The following CA10 variants were observed in gnomAD, a reference collection of about 807,000 sequenced individuals.
CA10 encodes carbonic anhydrase 10 (inactive).
Under a neutral mutation model 44.2 loss-of-function variants are expected in CA10, and 14 were observed. The ratio of observed to expected loss-of-function variants is 0.32; its 90% CI spans 0.21 to 0.50. The LOEUF is 0.50. CA10 is among the 20% of genes least tolerant of loss of function. The pLI is 0.99. For synonymous variants in CA10, 159 were observed against 141.6 expected, an observed-to-expected ratio of 1.12 and a Z score of -0.87; for missense variants, 350 against 409.7, an observed-to-expected ratio of 0.85 and a Z score of 1.26.
At chr17:51,716,470 G>GGA (rs1555589372) in intron 4 of CA10, among the ~76,000 whole-genome samples, 1 of 151,744 alleles carries the variant, frequency 6.6e-6, no homozygotes, top group East Asian at 1.9e-4. Flanking sequence ...TTTATTCAGA[G>GGA]AAAAAAAGAA....
chr17:52,111,390 C>T (rs1988786316), intron 1 of CA10, among the ~76,000 whole-genome samples: 1 of 152,174 alleles, frequency 6.6e-6, no homozygotes, highest in South Asian at 2.1e-4. Context: ...TGACATGTTT[C>T]CAAGCATGTA....
intron 3 of CA10, among the ~76,000 whole-genome samples, chr17:51,916,422 C>T (rs567628168): frequency 6.6e-6 from 1 of 152,162 alleles, no homozygotes; most frequent in Non-Finnish European, 1.5e-5. Context: ...CCACAATTCC[C>T]ATGTGTCATG....
intron 3 of CA10, among the ~76,000 whole-genome samples, chr17:51,774,642 C>A (rs1905744087): frequency 6.6e-6 from 1 of 151,996 alleles, no homozygotes; most frequent in Admixed American, 6.6e-5. Context: ...CGGGGTTTCA[C>A]CGTGTTGCCT....
chr17:51,761,018 A>G (rs956931923), intron 3 of CA10, among the ~76,000 whole-genome samples: 4 of 152,192 alleles, frequency 2.6e-5, no homozygotes, highest in South Asian at 4.1e-4. Flanking sequence ...GCATGTGGCT[A>G]GTGGCTGCCA....
chr17:52,156,416 G>A (rs1269040976), intron 1 of CA10, among the ~76,000 whole-genome samples: 3 of 152,194 alleles, frequency 2.0e-5, no homozygotes, highest in African/African-American at 4.8e-5. Context: ...TCTCACTGAT[G>A]TATCACAGAG....
chr17:52,088,706 T>C (rs1988183129), intron 1 of CA10, among the ~76,000 whole-genome samples: 1 of 152,174 alleles, frequency 6.6e-6, no homozygotes, highest in Non-Finnish European at 1.5e-5. Flanking sequence ...CCTCAAACAA[T>C]AGGTTTTCTC....
At chr17:51,918,897 T>A (rs1046174605) in intron 3 of CA10, among the ~76,000 whole-genome samples, 10 of 152,214 alleles carry the variant, frequency 6.6e-5, no homozygotes, top group African/African-American at 2.4e-4. Context: ...ATTATTTTAG[T>A]TATTCTTAAT....
At chr17:52,156,961 T>C (rs1989816119) in intron 1 of CA10, among the ~76,000 whole-genome samples, 1 of 152,126 alleles carries the variant, frequency 6.6e-6, no homozygotes, top group Admixed American at 6.5e-5. Flanking sequence ...GAACTCGTCC[T>C]AACACACTCA....
intron 4 of CA10, among the ~76,000 whole-genome samples, chr17:51,732,024 CATTATTATTATTAT>C (rs1327044949): frequency 6.6e-6 from 1 of 152,002 alleles, no homozygotes; most frequent in Non-Finnish European, 1.5e-5. Context: ...AGGTTGACAT[CATTATTATTATTAT>C]TACCATTCTT....
chr17:52,024,953 A>G (rs144106986), intron 2 of CA10, among the ~76,000 whole-genome samples: 8 of 151,942 alleles, frequency 5.3e-5, no homozygotes, highest in Admixed American at 1.3e-4. Flanking sequence ...TATATATAGT[A>G]TATGTATATA....
At chr17:52,037,330 C>A (rs1226642597) in intron 2 of CA10, among the ~76,000 whole-genome samples, 2 of 151,996 alleles carry the variant, frequency 1.3e-5, no homozygotes, top group African/African-American at 4.8e-5. Flanking sequence ...GAGACAGCAT[C>A]CAAGTAGCTA....
At chr17:51,949,558 A>G (rs1383149436) in intron 2 of CA10, among the ~76,000 whole-genome samples, 1 of 152,178 alleles carries the variant, frequency 6.6e-6, no homozygotes, top group Non-Finnish European at 1.5e-5. Context: ...GTGAGGCTCT[A>G]AGGCACAGGC....
chr17:51,785,588 A>G (rs991455268), intron 3 of CA10, among the ~76,000 whole-genome samples: 12 of 152,170 alleles, frequency 7.9e-5, no homozygotes, highest in Non-Finnish European at 1.5e-5. Flanking sequence ...TAGTACAACT[A>G]CTATGGAGAA....
chr17:51,776,356 C>T (rs887295903), intron 3 of CA10, among the ~76,000 whole-genome samples: 9 of 151,778 alleles, frequency 5.9e-5, no homozygotes, highest in African/African-American at 1.7e-4. Flanking sequence ...GCCTCAGCAA[C>T]GAGGTGAGAC....
chr17:51,680,915 TC>T (rs66494007), intron 4 of CA10, among the ~76,000 whole-genome samples: 10,998 of 151,760 alleles, frequency 0.072, 1,353 homozygotes, highest in African/African-American at 0.25. Flanking sequence ...GACTTCCATT[TC>T]CCCCCCAACA....
At chr17:52,016,156 G>C (rs1240380930) in intron 2 of CA10, among the ~76,000 whole-genome samples, 1 of 152,112 alleles carries the variant, frequency 6.6e-6, no homozygotes, top group African/African-American at 2.4e-5. Context: ...TCAGACACCA[G>C]GATTCAAAGC....
chr17:51,727,817 A>G (rs944192377), intron 4 of CA10, among the ~76,000 whole-genome samples: 1 of 152,132 alleles, frequency 6.6e-6, no homozygotes, highest in East Asian at 1.9e-4. Flanking sequence ...AAGACAGACG[A>G]TGCCCCTGTT....
chr17:52,031,842 TA>T (rs1986476300), intron 2 of CA10, among the ~76,000 whole-genome samples: 1 of 152,142 alleles, frequency 6.6e-6, no homozygotes, highest in Non-Finnish European at 1.5e-5. Flanking sequence ...ATACAGTTGA[TA>T]AAAATTAGAA....
intron 3 of CA10, among the ~76,000 whole-genome samples, chr17:51,910,493 C>T (rs187170421): frequency 2.0e-5 from 3 of 152,162 alleles, no homozygotes; most frequent in Admixed American, 6.5e-5. Flanking sequence ...TCTAACATTA[C>T]GTTTAACAAC....
Sources: allele counts gnomAD v4.1 joint callset (sites outside exome capture counted in the v4.1 genomes callset), GRCh38; gene constraint gnomAD v4.1.1; transcripts MANE v1.5; gene names NCBI Gene and HGNC (gene_info 2026-07-23, HGNC 2026-07-21).